The following ZNRF2 variants were observed in gnomAD, a reference collection of about 807,000 sequenced individuals.
ZNRF2 encodes E3 ubiquitin-protein ligase ZNRF2.
Under a neutral mutation model 20.4 loss-of-function variants are expected in ZNRF2, and 16 were observed. The ratio of observed to expected loss-of-function variants is 0.79; its 90% CI spans 0.53 to 1.19. ZNRF2 has a LOEUF of 1.19. Among genes scored for constraint, ZNRF2 ranks in the 50% most tolerant of loss-of-function variants. The probability of loss-of-function intolerance (pLI) is 0.00; values close to 1 mark genes in which losing one functional copy is unlikely to be tolerated. For missense variants in ZNRF2, 363 were observed against 332.4 expected (o/e 1.09, Z -0.72); for synonymous variants, 178 against 144.9 (o/e 1.23, Z -1.64).
chr7:30,315,730 G>GC (rs1554294852), intron 1 of ZNRF2, among the ~76,000 whole-genome samples: 1 of 103,760 alleles, frequency 9.6e-6, no homozygotes, highest in Non-Finnish European at 2.0e-5. Context: ...GGTGGGGCGG[G>GC]GGGGGGGGGG....
At chr7:30,333,721 A>G (rs1799673992) in intron 2 of ZNRF2, among the ~76,000 whole-genome samples, 1 of 152,062 alleles carries the variant, frequency 6.6e-6, no homozygotes, top group African/African-American at 2.4e-5. Context: ...GTGGTATCTC[A>G]TTGTGGTTTT....
chr7:30,292,428 TG>T (rs1449881448), intron 1 of ZNRF2, among the ~76,000 whole-genome samples: 8 of 152,256 alleles, frequency 5.3e-5, no homozygotes, highest in African/African-American at 1.9e-4. Context: ...GACACTATTC[TG>T]GGGGTACAGC....
chr7:30,319,792 T>C (rs1158926876), intron 1 of ZNRF2, among the ~76,000 whole-genome samples: 1 of 152,196 alleles, frequency 6.6e-6, no homozygotes, highest in Non-Finnish European at 1.5e-5. Flanking sequence ...TTTTCTTCTC[T>C]GTTTAACAAG....
intron 2 of ZNRF2, among the ~76,000 whole-genome samples, chr7:30,341,397 C>T (rs75408610): frequency 6.6e-6 from 1 of 152,066 alleles, no homozygotes; most frequent in South Asian, 2.1e-4. Context: ...TCCCTCTAAA[C>T]ACTGCTTTGG....
chr7:30,353,232 G>T (rs1383154035), intron 2 of ZNRF2, among the ~76,000 whole-genome samples: 1 of 152,060 alleles, frequency 6.6e-6, no homozygotes, highest in Non-Finnish European at 1.5e-5. Context: ...CTGATCAGTG[G>T]CTACAATATG....
intron 2 of ZNRF2, among the ~76,000 whole-genome samples, chr7:30,340,662 G>A (rs1012675000): frequency 7.2e-5 from 11 of 152,020 alleles, no homozygotes; most frequent in Admixed American, 2.0e-4. Context: ...GAGGATTTTC[G>A]CATCGATGTT....
At chr7:30,363,354 C>T (rs1800158477) in intron 4 of ZNRF2, among the ~76,000 whole-genome samples, 1 of 152,128 alleles carries the variant, frequency 6.6e-6, no homozygotes, top group African/African-American at 2.4e-5. Context: ...GTTTTGAGCT[C>T]AGTACCATTA....
chr7:30,294,952 A>G (rs1339665136), intron 1 of ZNRF2, among the ~76,000 whole-genome samples: 12 of 150,056 alleles, frequency 8.0e-5, no homozygotes, highest in East Asian at 2.0e-4. Flanking sequence ...GGCAGGACCC[A>G]ATGCCCCTGG....
chr7:30,321,310 A>G lies in ZNRF2; in HGVS notation c.470-2332A>G, dbSNP rs73686001. 7.5e-3 allele frequency among the ~76,000 whole-genome samples: 1,146 copies of G among 152,140 alleles called. 12 individuals are homozygous for G. The highest frequency in any genetic ancestry group is 0.026 in the African/African-American group (1,067 of 41,506). On this transcript the variant is annotated intron_variant, in intron 1 of 4. Transcript: ENST00000323037. ...GAAGTCATGGAGCTCCAGATGCCTGAGTCCTTTGGGAATTATTTAGTGAGA... is the reference window on the plus strand; with the variant it reads ...GAAGTCATGGAGCTCCAGATGCCTGGGTCCTTTGGGAATTATTTAGTGAGA...
chr7:30,348,959 T>C (rs772853962), intron 2 of ZNRF2, among the ~76,000 whole-genome samples: 1 of 151,056 alleles, frequency 6.6e-6, no homozygotes, highest in Non-Finnish European at 1.5e-5. Flanking sequence ...ATACTACTCC[T>C]CAAATTCATT....
At chr7:30,301,510 A>G (rs761016124) in intron 1 of ZNRF2, among the ~76,000 whole-genome samples, 2 of 151,892 alleles carry the variant, frequency 1.3e-5, no homozygotes, top group East Asian at 3.9e-4. Flanking sequence ...AAAAGCTAGA[A>G]AAGGGACTTA....
At chr7:30,315,770 T>C (rs1279834572) in intron 1 of ZNRF2, among the ~76,000 whole-genome samples, 2 of 145,980 alleles carry the variant, frequency 1.4e-5, no homozygotes, top group Non-Finnish European at 3.0e-5. Context: ...CAGGGCATAC[T>C]TAAAGAATCC....
intron 2 of ZNRF2, among the ~76,000 whole-genome samples, chr7:30,326,790 C>T (rs1246329000): frequency 6.6e-6 from 1 of 152,164 alleles, no homozygotes; most frequent in Non-Finnish European, 1.5e-5. Context: ...TGCAGCCTCT[C>T]CAACATGTAT....
At chr7:30,339,873 A>G (rs1352350018) in intron 2 of ZNRF2, among the ~76,000 whole-genome samples, 1 of 152,192 alleles carries the variant, frequency 6.6e-6, no homozygotes, top group African/African-American at 2.4e-5. Flanking sequence ...CATTTTCACA[A>G]TATTGATTCT....
chr7:30,354,573 G>A (rs1800008757), intron 2 of ZNRF2, among the ~76,000 whole-genome samples: 1 of 152,140 alleles, frequency 6.6e-6, no homozygotes, highest in Non-Finnish European at 1.5e-5. Context: ...AAATTTGTTG[G>A]TTGGTTTTTA....
Position 30,285,345 on chromosome 7 carries a change from G to A in ZNRF2, c.-13G>A. The A allele has an allele frequency of 8.7e-7, 1 of 1,144,844 alleles. No homozygotes were observed. The highest frequency in any genetic ancestry group is 1.1e-6 in the Non-Finnish European group (1 of 930,172). The allele number at this position is 1,144,844 out of a possible 1,614,324, so 70.9% of individuals were successfully genotyped here. On this transcript the variant is annotated 5_prime_UTR_variant, in exon 1 of 5. Transcript: ENST00000323037. ...GGGCGCAGCGCGCGGGCCCGGCCCGGGGCAGGGCGGACATGGGCGCCAAAC... is the reference window on the plus strand; with the variant it reads ...GGGCGCAGCGCGCGGGCCCGGCCCGAGGCAGGGCGGACATGGGCGCCAAAC...
rs966347232 is a variant in ZNRF2 at position 30,285,815 on chromosome 7, A to G, written c.458A>G (p.His153Arg). 18 of 1,521,732 alleles carry G rather than the reference A, an allele frequency of 1.2e-5. No individual in the cohort carries two copies. The highest frequency in any genetic ancestry group is 5.8e-5 in the African/African-American group (4 of 68,522). 94.3% of individuals were successfully genotyped at this position (1,521,732 alleles called of 1,614,324 possible). The change falls in exon 1 of 5, where the codon CAC becomes CGC. Residue 153 changes from histidine (H) to arginine (R), a missense_variant. Coordinates refer to ENST00000323037, the MANE Select transcript of ZNRF2 (RefSeq NM_147128.4). ...IGSLPAHLSPHMFGGFKCPVC... is the reference protein window; with the variant it reads ...IGSLPAHLSPRMFGGFKCPVC... ...TCCTTACCAGCTCACCTCTCGCCGC[A>G]CATGTTTGGAGGTACGGACCCCTCT... is the stretch of plus-strand genomic sequence containing the variant.
intron 2 of ZNRF2, among the ~76,000 whole-genome samples, chr7:30,343,590 T>C (rs1472857932): frequency 1.3e-5 from 2 of 152,166 alleles, no homozygotes; most frequent in Non-Finnish European, 2.9e-5. Flanking sequence ...TTATAAAAGC[T>C]CCTCTGTCTC....
intron 1 of ZNRF2, among the ~76,000 whole-genome samples, chr7:30,293,397 C>T (rs1798947963): frequency 6.6e-6 from 1 of 151,956 alleles, no homozygotes; most frequent in African/African-American, 2.4e-5. Context: ...TACAGGTGTG[C>T]ACCACCATGC....
Sources: allele counts gnomAD v4.1 joint callset (sites outside exome capture counted in the v4.1 genomes callset), GRCh38; gene constraint gnomAD v4.1.1; transcripts MANE v1.5; gene names NCBI Gene and HGNC (gene_info 2026-07-23, HGNC 2026-07-21).